BARD1: variants seen among roughly 807,000 people sequenced by gnomAD.
BARD1 encodes BRCA1-associated RING domain protein 1.
A neutral mutation model predicts 77.0 loss-of-function variants in BARD1; 73 were observed. The ratio of observed to expected loss-of-function variants is 0.95; its 90% confidence interval spans 0.79 to 1.15. The LOEUF is 1.15. BARD1 is among the 50% of genes most tolerant of loss of function. The probability of loss-of-function intolerance (pLI) is 0.00; values close to 1 mark genes in which losing one functional copy is unlikely to be tolerated. For missense variants in BARD1, 993 were observed against 938.8 expected (o/e 1.06, Z -0.75); for synonymous variants, 384 against 338.0 (o/e 1.14, Z -1.49).
chr2:214,744,057 T>C (rs1362113176), intron 9 of BARD1, among the ~76,000 whole-genome samples: 1 of 152,216 alleles, frequency 6.6e-6, no homozygotes, highest in Non-Finnish European at 1.5e-5. Flanking sequence ...TGTTCTATGT[T>C]AGCCATAGTA....
chr2:214,736,608 A>G (rs918781544), intron 9 of BARD1, among the ~76,000 whole-genome samples: 4 of 152,152 alleles, frequency 2.6e-5, no homozygotes, highest in African/African-American at 7.2e-5. Flanking sequence ...ATTATTTACA[A>G]GAAACACATT....
At chr2:214,780,177 A>G (rs1694914091) in intron 4 of BARD1, among the ~76,000 whole-genome samples, 1 of 152,192 alleles carries the variant, frequency 6.6e-6, no homozygotes, top group Non-Finnish European at 1.5e-5. Flanking sequence ...TGGATGGTAA[A>G]TATGGGCTTT....
At position 214,791,770 on chromosome 2, in the gene BARD1, T is replaced by C. The variant is rs185528176; in HGVS notation, c.364+527A>G. 7.1e-4 allele frequency among the ~76,000 whole-genome samples: 108 copies of C among 152,290 alleles called. 1 individual carries two copies. Among genetic ancestry groups the C allele is most frequent in the African/African-American group, 2.6e-3 (108 of 41,570 alleles). Reference sequence around the variant, plus strand: ...GGAAAGTGTATTTAAGTGAGTTAAGTGCTATTAAGGCCAAAATCACTATTC... The same window carrying C: ...GGAAAGTGTATTTAAGTGAGTTAAGCGCTATTAAGGCCAAAATCACTATTC... On this transcript the variant is annotated intron_variant, in intron 3 of 10. Transcript: ENST00000260947.
chr2:214,779,215 TGGGG>T (rs1694868341), intron 4 of BARD1, among the ~76,000 whole-genome samples: 1 of 152,120 alleles, frequency 6.6e-6, no homozygotes, highest in South Asian at 2.1e-4. Flanking sequence ...TCAGTATCTG[TGGGG>T]GATTGGTTCC....
intron 1 of BARD1, among the ~76,000 whole-genome samples, chr2:214,799,464 T>C (rs16852765): frequency 0.058 from 8,905 of 152,282 alleles, 261 homozygotes; most frequent in Admixed American, 0.093. Context: ...TCATTAACTT[T>C]ACTGGAACTT....
chr2:214,792,222 T>G, intron 3 of BARD1, 75 bp downstream of exon 3: 2 of 1,421,468 alleles, frequency 1.4e-6, no homozygotes, highest in Non-Finnish European at 2.0e-6. Flanking sequence ...ATAGATGTTT[T>G]ATATACTTTA....
At chr2:214,760,493 C>A (rs16852643) in intron 6 of BARD1, among the ~76,000 whole-genome samples, 14,119 of 152,144 alleles carry the variant, frequency 0.093, 1,050 homozygotes, top group East Asian at 0.42. Context: ...GCGCCAGGCC[C>A]ATAACTTATT....
chr2:214,748,504 A>G (rs538307823), intron 7 of BARD1, among the ~76,000 whole-genome samples: 1 of 152,204 alleles, frequency 6.6e-6, no homozygotes, highest in East Asian at 1.9e-4. Flanking sequence ...AAGTTCATCA[A>G]AAATGGGGTT....
chr2:214,745,897 G>A lies in BARD1; in HGVS notation c.1678-43C>T, dbSNP rs368206701. ...GATACCAGTGTTAAAAACATTAGAC[G>A]ACTAGACAAAGACATTAAACAGACT... is the stretch of plus-strand genomic sequence containing the variant. On this transcript the variant is annotated intron_variant, in intron 7 of 10. Transcript: ENST00000260947. The A allele has an allele frequency of 2.9e-4, 470 of 1,606,818 alleles. 1 individual carries two copies. The South Asian group carries it at 4.1e-3, about 14-fold the overall frequency.
Position 214,727,623 on chromosome 2 carries a change from A to G in BARD1, c.*1053T>C, listed in dbSNP as rs1692137223. The G allele has an allele frequency of 4.3e-6, 1 of 231,502 alleles. No homozygotes were observed. Among genetic ancestry groups the G allele is most frequent in the South Asian group, 1.8e-4 (1 of 5,522 alleles). 14.3% of individuals were successfully genotyped at this position (231,502 alleles called of 1,614,324 possible). A position where few individuals can be genotyped will look rare whatever the true frequency, so the allele number is the denominator to read the frequency against. On this transcript the variant is annotated 3_prime_UTR_variant, in exon 11 of 11. Coordinates refer to ENST00000260947, the MANE Select transcript of BARD1 (RefSeq NM_000465.4). The stretch of plus-strand genomic sequence containing the variant: ...CTCACTAAGGCCTTGCCTATTTGAT[A>G]TTAGTAAGCCCTCCCCATACCTACT...
chr2:214,806,875 G>GA (rs140107019), intron 1 of BARD1, among the ~76,000 whole-genome samples: 31,925 of 105,862 alleles, frequency 0.3, 4,489 homozygotes, highest in African/African-American at 0.37. Context: ...CTTTGCCTAG[G>GA]GAAAAAAAAA....
chr2:214,805,578 A>C (rs1306066490), intron 1 of BARD1, among the ~76,000 whole-genome samples: 1 of 152,216 alleles, frequency 6.6e-6, no homozygotes, highest in African/African-American at 2.4e-5. Context: ...GCATCTTATG[A>C]ATATCCACTC....
chr2:214,809,041 G>T (rs939611026), intron 1 of BARD1, among the ~76,000 whole-genome samples: 4 of 152,164 alleles, frequency 2.6e-5, no homozygotes, highest in Non-Finnish European at 4.4e-5. Flanking sequence ...AAAGCAGCGG[G>T]GTAATCCAGG....
chr2:214,768,204 A>T (rs1174806309), intron 5 of BARD1, among the ~76,000 whole-genome samples: 1 of 152,234 alleles, frequency 6.6e-6, no homozygotes, highest in Non-Finnish European at 1.5e-5. Flanking sequence ...TGGAGTGTTC[A>T]AAGATGCCTT....
intron 4 of BARD1, among the ~76,000 whole-genome samples, chr2:214,778,017 G>T (rs2106101725): frequency 6.6e-6 from 1 of 152,242 alleles, no homozygotes; most frequent in African/African-American, 2.4e-5. Flanking sequence ...CCAACATGGT[G>T]AAACTCCGTC....
intron 7 of BARD1, among the ~76,000 whole-genome samples, chr2:214,747,060 C>T (rs1693156802): frequency 6.6e-6 from 1 of 151,996 alleles, no homozygotes; most frequent in East Asian, 1.9e-4. Flanking sequence ...TGAACAGACA[C>T]TTCTCAAAAG....
At chr2:214,780,427 T>C in intron 4 of BARD1, 133 bp downstream of exon 4, 1 of 801,842 alleles carries the variant, frequency 1.2e-6, no homozygotes, top group South Asian at 1.6e-5. Context: ...CTGGCTTCTC[T>C]GGTTCAGAGG....
rs143793316 is a variant in BARD1 at position 214,801,643 on chromosome 2, T to A, written c.159-4526A>T. On this transcript the variant is annotated intron_variant, in intron 1 of 10. Coordinates refer to ENST00000260947, the MANE Select transcript of BARD1 (RefSeq NM_000465.4). ...TCTCTTGGATTTCAGCCTCCAGCCA[T>A]CACTTCTGCAAAATTCATGCCATGT... 3.0e-3 allele frequency among the ~76,000 whole-genome samples: 460 copies of A among 152,296 alleles called. 4 individuals are homozygous for A. The highest frequency in any genetic ancestry group is 0.01 in the African/African-American group (428 of 41,560).
Position 214,728,438 on chromosome 2 carries a change from A to G in BARD1, c.*238T>C, listed in dbSNP as rs188400670. 62 of 533,842 alleles carry G rather than the reference A, an allele frequency of 1.2e-4. 1 individual carries two copies. The East Asian group carries it at 2.0e-3, about 17-fold the overall frequency. The allele number at this position is 533,842 out of a possible 1,614,324, so 33.1% of individuals were successfully genotyped here. ...CCAATAATCTGAATAGAAAGACATGATAAATCAAAAACATGCCAATTTTAA... is the reference window on the plus strand; with the variant it reads ...CCAATAATCTGAATAGAAAGACATGGTAAATCAAAAACATGCCAATTTTAA... On this transcript the variant is annotated 3_prime_UTR_variant, in exon 11 of 11. Coordinates refer to ENST00000260947, the MANE Select transcript of BARD1 (RefSeq NM_000465.4).
Sources: allele counts gnomAD v4.1 joint callset (sites outside exome capture counted in the v4.1 genomes callset), GRCh38; gene constraint gnomAD v4.1.1; transcripts MANE v1.5; gene names NCBI Gene and HGNC (gene_info 2026-07-23, HGNC 2026-07-21).